SUGCT: variants seen among roughly 807,000 people sequenced by gnomAD.
The protein encoded by SUGCT is succinyl-CoA:glutarate CoA-transferase.
Under a neutral mutation model 55.0 loss-of-function variants are expected in SUGCT, and 41 were observed. The ratio of observed to expected loss-of-function variants is 0.74; its 90% CI spans 0.58 to 0.97. SUGCT has a LOEUF of 0.97. Ranked by LOEUF, SUGCT falls within the 50% of genes least tolerant of loss-of-function variation. SUGCT has a pLI of 0.00. For missense variants in SUGCT, 568 were observed against 547.8 expected (o/e 1.04, Z -0.37); for synonymous variants, 187 against 200.4 (o/e 0.93, Z 0.56).
intron 12 of SUGCT, among the ~76,000 whole-genome samples, chr7:40,534,255 T>A (rs1007953398): frequency 3.3e-5 from 5 of 152,250 alleles, no homozygotes; most frequent in African/African-American, 1.2e-4. Flanking sequence ...TAGTTGTCAC[T>A]TCCAATATAA....
In SUGCT at chr7:40,357,802, A is replaced by G. The variant is rs144439607; in HGVS notation, c.816+40947A>G. 2.9e-3 allele frequency among the ~76,000 whole-genome samples: 438 copies of G among 150,556 alleles called. 1 individual carries two copies. Among genetic ancestry groups the G allele is most frequent in the African/African-American group, 9.7e-3 (397 of 40,928 alleles). On this transcript the variant is annotated intron_variant, in intron 9 of 13. Coordinates refer to ENST00000335693, the MANE Select transcript of SUGCT (RefSeq NM_001193313.2). ...TAATCTTCTTTTGATTTTTTTAACCATTTAAAAATGATTTTTTTAACCATT... is the reference window on the plus strand; with the variant it reads ...TAATCTTCTTTTGATTTTTTTAACCGTTTAAAAATGATTTTTTTAACCATT...
At chr7:40,941,558 T>C in the SUGCT span, among the ~76,000 whole-genome samples, 1 of 152,098 alleles carries the variant, frequency 6.6e-6, no homozygotes, top group South Asian at 2.1e-4. Flanking sequence ...TTGGGTAGAA[T>C]GTTCTGCAAA....
intron 13 of SUGCT, among the ~76,000 whole-genome samples, chr7:40,781,184 G>A (rs12155167): frequency 0.094 from 14,360 of 152,056 alleles, 720 homozygotes; most frequent in Middle Eastern, 0.18. Flanking sequence ...TGTTGTTTAT[G>A]TATACCCAAG....
At chr7:41,024,900 C>T in the SUGCT span, among the ~76,000 whole-genome samples, 1 of 152,146 alleles carries the variant, frequency 6.6e-6, no homozygotes, top group Non-Finnish European at 1.5e-5. Context: ...TAAAAAATAG[C>T]AAACAATCAG....
intron 13 of SUGCT, among the ~76,000 whole-genome samples, chr7:40,824,462 C>T (rs1211257293): frequency 6.6e-6 from 1 of 152,056 alleles, no homozygotes; most frequent in Non-Finnish European, 1.5e-5. Flanking sequence ...TAATTGTTGT[C>T]TTAAAATGAT....
chr7:40,603,604 C>T (rs1464788505), intron 12 of SUGCT, among the ~76,000 whole-genome samples: 1 of 152,152 alleles, frequency 6.6e-6, no homozygotes, highest in Non-Finnish European at 1.5e-5. Context: ...AGATGGTTCT[C>T]AGCCTTATGG....
At chr7:40,632,549 A>T (rs1799833979) in intron 12 of SUGCT, among the ~76,000 whole-genome samples, 1 of 148,652 alleles carries the variant, frequency 6.7e-6, no homozygotes, top group Non-Finnish European at 1.5e-5. Context: ...TGAAAAAGGA[A>T]TATGGAGTTA....
At chr7:40,946,074 C>T in the SUGCT span, among the ~76,000 whole-genome samples, 1 of 151,288 alleles carries the variant, frequency 6.6e-6, no homozygotes, top group African/African-American at 2.4e-5. Flanking sequence ...CAGGATGATG[C>T]ACGCGATGGT....
intron 8 of SUGCT, among the ~76,000 whole-genome samples, chr7:40,283,981 G>A (rs1441854514): frequency 1.3e-5 from 2 of 152,130 alleles, no homozygotes; most frequent in Non-Finnish European, 2.9e-5. Context: ...TAAAAATGAA[G>A]AAAATCCTGT....
At chr7:40,518,223 G>A (rs1401270772) in intron 12 of SUGCT, among the ~76,000 whole-genome samples, 1 of 152,150 alleles carries the variant, frequency 6.6e-6, no homozygotes. Context: ...AATGGGTAGG[G>A]AAGAAAGAGC....
chr7:40,644,403 C>G lies in SUGCT; in HGVS notation c.1090-105031C>G, dbSNP rs940133117. Among the ~76,000 whole-genome samples the G allele has an allele frequency of 2.6e-5, 4 of 152,350 alleles. 1 individual carries two copies. Among genetic ancestry groups the G allele is most frequent in the Admixed American group, 2.0e-4 (3 of 15,312 alleles). ...CACTGCTTTCTGGATTATGGAGCCA[C>G]TCACTACTGATCATGCTTTTGCTTT... On this transcript the variant is annotated intron_variant, in intron 12 of 13. Coordinates refer to ENST00000335693, the MANE Select transcript of SUGCT (RefSeq NM_001193313.2).
intron 13 of SUGCT, among the ~76,000 whole-genome samples, chr7:40,789,810 G>C (rs1584444460): frequency 6.6e-6 from 1 of 152,108 alleles, no homozygotes; most frequent in African/African-American, 2.4e-5. Context: ...ATTAGGTTTT[G>C]TACTCATCAG....
chr7:40,444,003 T>A (rs911501484), intron 9 of SUGCT, among the ~76,000 whole-genome samples: 11 of 152,208 alleles, frequency 7.2e-5, no homozygotes, highest in African/African-American at 2.7e-4. Context: ...TTCTTGTTTT[T>A]GTCAGGCTTG....
chr7:40,448,640 G>A (rs1033097637), intron 9 of SUGCT, among the ~76,000 whole-genome samples: 7 of 152,028 alleles, frequency 4.6e-5, no homozygotes, highest in Non-Finnish European at 7.4e-5. Flanking sequence ...GAGCCCAGGG[G>A]TTTAAGACCT....
intron 12 of SUGCT, among the ~76,000 whole-genome samples, chr7:40,592,491 A>G (rs533809416): frequency 1.1e-4 from 16 of 152,184 alleles, no homozygotes; most frequent in Non-Finnish European, 2.2e-4. Context: ...TAGAGGAATG[A>G]TGAAGGTGAA....
chr7:40,386,256 C>T (rs920380283), intron 9 of SUGCT, among the ~76,000 whole-genome samples: 10 of 152,268 alleles, frequency 6.6e-5, no homozygotes, highest in African/African-American at 2.4e-4. Context: ...ATCTAGAAAG[C>T]ACATCTTCTC....
At chr7:40,320,028 C>G (rs920021864) in intron 9 of SUGCT, among the ~76,000 whole-genome samples, 2 of 151,950 alleles carry the variant, frequency 1.3e-5, no homozygotes, top group African/African-American at 4.8e-5. Context: ...TTCACTGCTT[C>G]TTTTGTTCCC....
At chr7:40,669,363 A>AG (rs1300892347) in intron 12 of SUGCT, among the ~76,000 whole-genome samples, 2 of 151,420 alleles carry the variant, frequency 1.3e-5, no homozygotes, top group East Asian at 3.9e-4. Context: ...AAAAAAAAAA[A>AG]AAAAAATTAC....
chr7:40,617,372 C>T (rs979076463), intron 12 of SUGCT, among the ~76,000 whole-genome samples: 33 of 151,816 alleles, frequency 2.2e-4, no homozygotes, highest in African/African-American at 7.5e-4. Context: ...TGAAGTGTAC[C>T]GATGAAATGT....
Sources: gnomAD v4.1 joint callset for allele counts (sites outside exome capture counted in the v4.1 genomes callset) on GRCh38, gnomAD v4.1.1 for gene constraint, MANE v1.5 for transcripts, NCBI Gene and HGNC (gene_info 2026-07-23, HGNC 2026-07-21) for gene names.